BICD1: variants seen among roughly 807,000 people sequenced by gnomAD.
BICD1 encodes protein bicaudal D homolog 1.
BICD1 carries 35 observed loss-of-function variants against 92.5 expected under a neutral mutation model. That is an observed-to-expected ratio of 0.38 (90% CI 0.29 to 0.50). BICD1 has a LOEUF of 0.50. Ranked by LOEUF, BICD1 falls within the 20% of genes least tolerant of loss-of-function variation. The pLI is 0.93. For synonymous variants in BICD1, 429 were observed against 465.1 expected (o/e 0.92, Z 1.00); for missense variants, 950 against 1,189.8 (o/e 0.80, Z 2.97).
chr12:32,225,621 G>GTTTTGTT lies in BICD1; in HGVS notation c.426+9166_426+9167insGTTTTTT, dbSNP rs1555150864. 1.2e-3 allele frequency among the ~76,000 whole-genome samples: 109 copies of GTTTTGTT among 92,780 alleles called. 2 individuals are homozygous for GTTTTGTT. The highest frequency in any genetic ancestry group is 5.0e-4 in the South Asian group (1 of 2,016). 60.9% of individuals were successfully genotyped at this position (92,780 alleles called of 152,430 possible). A position where few individuals can be genotyped will look rare whatever the true frequency, so the allele number is the denominator to read the frequency against. ...TGGTATTTGACAGTTCTTTTTTTCT[G>GTTTTGTT]TTTTTTTTTTTTTTTTTTTTAGACG... On this transcript the variant is annotated intron_variant, in intron 2 of 9. Coordinates refer to ENST00000652176, the MANE Select transcript of BICD1 (RefSeq NM_001714.4).
At chr12:32,333,194 T>G in intron 5 of BICD1, 3 of 984,808 alleles carry the variant, frequency 3.0e-6, no homozygotes, top group Non-Finnish European at 3.6e-6. Context: ...AATGAATATG[T>G]GTCTAAGCTT....
intron 3 of BICD1, among the ~76,000 whole-genome samples, chr12:32,296,282 G>A (rs145820427): frequency 0.012 from 1,493 of 128,940 alleles, 27 homozygotes; most frequent in African/African-American, 0.041. Flanking sequence ...TTTGAGAGAC[G>A]GAGTCTCGCT....
rs1453661481 is a variant in BICD1, at chr12:32,380,167, C to A, written c.*2540C>A. On this transcript the variant is annotated 3_prime_UTR_variant, in exon 10 of 10. Transcript: ENST00000652176. The stretch of plus-strand genomic sequence containing the variant: ...ACAAAATTAAGTGATAGTCCCTAAG[C>A]AGTAAGAGAGAATACCATGTATTTA... 6.6e-6 allele frequency: 1 copy of A among 152,046 alleles called. No individual in the cohort carries two copies. Among genetic ancestry groups the A allele is most frequent in the African/African-American group, 2.4e-5 (1 of 41,386 alleles). 9.4% of individuals were successfully genotyped at this position (152,046 alleles called of 1,614,324 possible). A position where few individuals can be genotyped will look rare whatever the true frequency, so the allele number is the denominator to read the frequency against.
intron 1 of BICD1, among the ~76,000 whole-genome samples, chr12:32,206,485 A>C (rs1414312111): frequency 2.6e-5 from 4 of 152,194 alleles, no homozygotes; most frequent in Admixed American, 2.6e-4. Flanking sequence ...GCATGCCTGT[A>C]ATCCCAGCTA....
At chr12:32,288,060 T>G (rs2136183405) in intron 2 of BICD1, among the ~76,000 whole-genome samples, 1 of 152,298 alleles carries the variant, frequency 6.6e-6, no homozygotes, top group South Asian at 2.1e-4. Context: ...CCCGTGAGGC[T>G]CAGGCTCAGA....
intron 1 of BICD1, among the ~76,000 whole-genome samples, chr12:32,135,848 C>T (rs1225807138): frequency 6.6e-6 from 1 of 152,026 alleles, no homozygotes; most frequent in Non-Finnish European, 1.5e-5. Flanking sequence ...GATGCTGACA[C>T]CCTCCTTCCC....
intron 2 of BICD1, among the ~76,000 whole-genome samples, chr12:32,230,789 C>T (rs1215971425): frequency 2.0e-5 from 3 of 152,170 alleles, no homozygotes; most frequent in Non-Finnish European, 4.4e-5. Flanking sequence ...TGAAATAGCA[C>T]TTCAGAGAGT....
intron 1 of BICD1, among the ~76,000 whole-genome samples, chr12:32,169,769 T>C (rs762557094): frequency 8.0e-5 from 12 of 150,462 alleles, no homozygotes; most frequent in Admixed American, 4.6e-4. Flanking sequence ...ACACTTCCTT[T>C]TTTTGAGACA....
At chr12:32,107,708 C>T in intron 1 of BICD1, 164 bp downstream of exon 1, 1 of 857,066 alleles carries the variant, frequency 1.2e-6, no homozygotes, top group Non-Finnish European at 1.9e-6. Context: ...TTGTTTCCTC[C>T]CCCAAGAGAA....
intron 8 of BICD1, among the ~76,000 whole-genome samples, chr12:32,346,572 A>ACG (rs1938599970): frequency 2.2e-5 from 1 of 45,446 alleles, no homozygotes; most frequent in Non-Finnish European, 3.4e-5. Flanking sequence ...ATATATATAT[A>ACG]TATATATATA....
At chr12:32,116,510 C>CTCTCTCTATATA (rs1233964108) in intron 1 of BICD1, among the ~76,000 whole-genome samples, 3 of 104,406 alleles carry the variant, frequency 2.9e-5, no homozygotes, top group Admixed American at 1.1e-4. Flanking sequence ...CTCTCTCTCT[C>CTCTCTCTATATA]TATATATATA....
intron 5 of BICD1, among the ~76,000 whole-genome samples, chr12:32,329,335 G>C (rs1274318212): frequency 6.6e-6 from 1 of 152,052 alleles, no homozygotes; most frequent in African/African-American, 2.4e-5. Context: ...GACCTCAAGT[G>C]ATCCGCCCAC....
intron 2 of BICD1, among the ~76,000 whole-genome samples, chr12:32,217,125 CAG>C (rs1945383504): frequency 6.6e-6 from 1 of 152,138 alleles, no homozygotes; most frequent in African/African-American, 2.4e-5. Context: ...ATGTTGGAAA[CAG>C]AGATAGCCAA....
At chr12:32,344,507 A>T (rs766077956) in intron 8 of BICD1, among the ~76,000 whole-genome samples, 1 of 152,218 alleles carries the variant, frequency 6.6e-6, no homozygotes, top group Non-Finnish European at 1.5e-5. Context: ...TGTGGGTAAC[A>T]TCGAAGATAA....
intron 2 of BICD1, among the ~76,000 whole-genome samples, chr12:32,288,196 T>C (rs1257323200): frequency 6.6e-6 from 1 of 151,454 alleles, no homozygotes; most frequent in Non-Finnish European, 1.5e-5. Context: ...GCCATTAATA[T>C]ACTTACCTGT....
In BICD1 at chr12:32,294,111, T is replaced by C; in HGVS notation, c.544T>C (p.Leu182=). 1.2e-6 allele frequency: 2 copies of C among 1,607,724 alleles called. No individual in the cohort carries two copies. Among genetic ancestry groups the C allele is most frequent in the Admixed American group, 3.5e-5 (2 of 57,734 alleles). Residue 182 remains leucine (L), a synonymous_variant, in exon 3 of 10, where the codon TTG becomes CTG. Transcript: ENST00000652176. ...TGAATTGGAAGAAGAAAATATCACA[T>C]TGCAGAAACTAGTGTCCACGTTGAA... ...YTELEEENIT[L]QKLVSTLKQN...
intron 1 of BICD1, among the ~76,000 whole-genome samples, chr12:32,142,956 A>G (rs867114257): frequency 1.3e-5 from 2 of 152,220 alleles, no homozygotes; most frequent in Non-Finnish European, 1.5e-5. Context: ...TCCTGGTGCT[A>G]CAAGCCGTTA....
intron 1 of BICD1, among the ~76,000 whole-genome samples, chr12:32,202,534 C>A (rs1223348087): frequency 6.6e-6 from 1 of 152,120 alleles, no homozygotes; most frequent in Non-Finnish European, 1.5e-5. Context: ...ACATTGTTTT[C>A]ATTTACAGAT....
chr12:32,275,805 C>T (rs188964819), intron 2 of BICD1, among the ~76,000 whole-genome samples: 23 of 152,186 alleles, frequency 1.5e-4, no homozygotes, highest in Non-Finnish European at 2.9e-4. Flanking sequence ...TGTTCCTGCA[C>T]GGCTAAGTGC....
Sources: allele counts gnomAD v4.1 joint callset (sites outside exome capture counted in the v4.1 genomes callset), GRCh38; gene constraint gnomAD v4.1.1; transcripts MANE v1.5; gene names NCBI Gene and HGNC (gene_info 2026-07-23, HGNC 2026-07-21).